Variants in SCN8A observed in about 807,000 individuals in gnomAD.
The protein encoded by SCN8A is sodium voltage-gated channel alpha subunit 8.
In SCN8A, 30 loss-of-function variants were observed where a neutral mutation model predicts 184.1. The ratio of observed to expected loss-of-function variants is 0.16; its 90% CI spans 0.12 to 0.22. The LOEUF (loss-of-function observed/expected upper bound fraction) is 0.22, where lower values mean the gene tolerates loss of function less well. Ranked by LOEUF, SCN8A falls within the 10% of genes least tolerant of loss-of-function variation. The probability of loss-of-function intolerance (pLI) is 1.00; values close to 1 mark genes in which losing one functional copy is unlikely to be tolerated. For synonymous variants in SCN8A, 852 were observed against 907.0 expected, an observed-to-expected ratio of 0.94 and a Z score of 1.09; for missense variants, 1,057 against 2,498.9, an observed-to-expected ratio of 0.42 and a Z score of 12.30.
intron 6 of SCN8A, among the ~76,000 whole-genome samples, chr12:51,691,769 T>C (rs781390332): frequency 5.9e-5 from 9 of 152,210 alleles, no homozygotes; most frequent in Non-Finnish European, 1.3e-4. Flanking sequence ...TCAGTCTCAA[T>C]CTTTTTGCTC....
chr12:51,696,093 C>G (rs531341929), intron 6 of SCN8A, among the ~76,000 whole-genome samples: 11 of 152,294 alleles, frequency 7.2e-5, no homozygotes, highest in Admixed American at 2.6e-4. Context: ...ACTCTTGTTA[C>G]TAATACAAAA....
In SCN8A at chr12:51,769,153, A is replaced by G. The variant is rs1592151547; in HGVS notation, c.3190A>G (p.Asn1064Asp). The change falls in exon 17 of 27, where the codon AAT becomes GAT. Residue 1064 changes from asparagine (N) to aspartate (D), a missense_variant. Around this residue, in one of 19 missense-constraint regions of SCN8A, gnomAD observed 178 missense variants for 259.6 expected, o/e 0.69. Transcript: ENST00000627620. Reference protein sequence around the residue: ...HRNGDFQKNGNGTTSGIGSSV... With the variant: ...HRNGDFQKNGDGTTSGIGSSV... ...GAATGGTGACTTCCAGAAGAATGGC[A>G]ATGGCACAACCAGCGGCATTGGCAG... is the stretch of plus-strand genomic sequence containing the variant. 6.2e-7 allele frequency: 1 copy of G among 1,613,584 alleles called. No homozygotes were observed. The highest frequency in any genetic ancestry group is 2.2e-5 in the East Asian group (1 of 44,868).
chr12:51,799,469 TCTG>T (rs1565931124), intron 26 of SCN8A, among the ~76,000 whole-genome samples: 1 of 152,204 alleles, frequency 6.6e-6, no homozygotes, highest in Non-Finnish European at 1.5e-5. Flanking sequence ...CGAGTAGTTA[TCTG>T]CAGAAGATGG....
chr12:51,701,087 A>G, intron 7 of SCN8A, 57 bp from the exon 8 acceptor site: 3 of 1,179,124 alleles, frequency 2.5e-6, no homozygotes, highest in Non-Finnish European at 3.8e-6. Context: ...GTGTAACCTT[A>G]TTCTCTCATT....
chr12:51,596,960 A>G (rs1939362113), intron 1 of SCN8A, among the ~76,000 whole-genome samples: 1 of 152,148 alleles, frequency 6.6e-6, no homozygotes. Flanking sequence ...AGACTCAGAG[A>G]ACAGAATATG....
intron 14 of SCN8A, among the ~76,000 whole-genome samples, chr12:51,752,982 T>G (rs1279532834): frequency 6.6e-6 from 1 of 152,180 alleles, no homozygotes; most frequent in East Asian, 1.9e-4. Flanking sequence ...TCTTTGATTT[T>G]CAAGGGATTT....
chr12:51,758,514 T>C (rs1942712759), intron 14 of SCN8A, among the ~76,000 whole-genome samples: 1 of 152,206 alleles, frequency 6.6e-6, no homozygotes, highest in South Asian at 2.1e-4. Context: ...CTCGGCTCAC[T>C]GCAACCTCCG....
intron 24 of SCN8A, 136 bp downstream of exon 24, chr12:51,789,554 C>T: frequency 1.0e-6 from 1 of 1,003,544 alleles, no homozygotes; most frequent in South Asian, 1.6e-5. Flanking sequence ...GACCCTGGCC[C>T]CCATACGTTA....
intron 1 of SCN8A, among the ~76,000 whole-genome samples, chr12:51,659,362 A>G (rs1219206965): frequency 6.6e-6 from 1 of 152,190 alleles, no homozygotes; most frequent in Non-Finnish European, 1.5e-5. Context: ...TAAATTTTCT[A>G]CATCTTGATT....
In SCN8A at chr12:51,721,726, C is replaced by A; in HGVS notation, c.1816C>A (p.Arg606=). The part of the protein sequence containing the change: ...GRRDSLFIPI[R]ARERRSSYSG... ...CCGGGACTCCCTCTTCATCCCCATCCGGGCCCGCGAGCGCCGGAGCAGCTA... is the reference window on the plus strand; with the variant it reads ...CCGGGACTCCCTCTTCATCCCCATCAGGGCCCGCGAGCGCCGGAGCAGCTA... The change falls in exon 12 of 27, where the codon CGG becomes AGG. Residue 606 remains arginine, a synonymous_variant. Transcript: ENST00000627620. 1 of 1,595,346 alleles carries A rather than the reference C, an allele frequency of 6.3e-7. No individual in the cohort carries two copies. The highest frequency in any genetic ancestry group is 8.5e-7 in the Non-Finnish European group (1 of 1,171,120).
At chr12:51,688,102 C>A (rs1941449457) in intron 5 of SCN8A, among the ~76,000 whole-genome samples, 1 of 152,188 alleles carries the variant, frequency 6.6e-6, no homozygotes, top group African/African-American at 2.4e-5. Flanking sequence ...TACTTTCTAG[C>A]ATTATGAATA....
intron 6 of SCN8A, among the ~76,000 whole-genome samples, chr12:51,692,492 A>G (rs991009383): frequency 1.3e-5 from 2 of 152,202 alleles, no homozygotes; most frequent in African/African-American, 4.8e-5. Context: ...ACTTGGATAC[A>G]TACTATTTAT....
rs899925119 is a variant in SCN8A, at chr12:51,809,854, A to G, written c.*2425A>G. 1.3e-5 allele frequency: 2 copies of G among 152,196 alleles called. No homozygotes were observed. The highest frequency in any genetic ancestry group is 1.3e-4 in the Admixed American group (2 of 15,286). 9.4% of individuals were successfully genotyped at this position (152,196 alleles called of 1,614,324 possible). ...CTTAGAACTTAGATGCTGTCAGCCA[A>G]TGTACATCCCCAAACCAGACAGACA... On this transcript the variant is annotated 3_prime_UTR_variant, in exon 27 of 27. Transcript: ENST00000627620.
Position 51,702,806 on chromosome 12 carries a change from A to T in SCN8A, c.1026A>T (p.Ala342=). 1 of 1,610,176 alleles carries T rather than the reference A, an allele frequency of 6.2e-7. No individual in the cohort carries two copies. Among genetic ancestry groups the T allele is most frequent in the Non-Finnish European group, 8.5e-7 (1 of 1,178,042 alleles). The change falls in exon 9 of 27, where the codon GCA becomes GCT. Residue 342 remains alanine, a synonymous_variant. Coordinates refer to ENST00000627620, the MANE Select transcript of SCN8A (RefSeq NM_001330260.2). ...CAGAGGGATACCAGTGTATGAAAGC[A>T]GGAAGGAACCCCAACTATGGTTACA... ...QCPEGYQCMK[A]GRNPNYGYTS...
chr12:51,727,937 G>A (rs1942180911), intron 12 of SCN8A, among the ~76,000 whole-genome samples: 1 of 151,990 alleles, frequency 6.6e-6, no homozygotes, highest in Non-Finnish European at 1.5e-5. Flanking sequence ...GTGACAGGGC[G>A]AGACTCTTTC....
intron 11 of SCN8A, among the ~76,000 whole-genome samples, chr12:51,718,820 A>G (rs1942005830): frequency 6.6e-6 from 1 of 151,942 alleles, no homozygotes; most frequent in Non-Finnish European, 1.5e-5. Context: ...TTTAAGTACA[A>G]GAGTAACTCA....
At chr12:51,730,196 A>G (rs915054084) in intron 12 of SCN8A, among the ~76,000 whole-genome samples, 2 of 152,146 alleles carry the variant, frequency 1.3e-5, no homozygotes, top group African/African-American at 4.8e-5. Flanking sequence ...CAGGTCTCCA[A>G]TTTATCTCAA....
intron 1 of SCN8A, among the ~76,000 whole-genome samples, chr12:51,619,376 C>T (rs528823804): frequency 6.6e-6 from 1 of 152,272 alleles, no homozygotes; most frequent in East Asian, 1.9e-4. Flanking sequence ...AAGTTGCATT[C>T]AATATCCTTG....
chr12:51,766,891 C>G (rs1268292376), intron 16 of SCN8A, among the ~76,000 whole-genome samples: 2 of 152,240 alleles, frequency 1.3e-5, no homozygotes, highest in Non-Finnish European at 2.9e-5. Context: ...TCTTACAGAT[C>G]AGGCCCCTAA....
Sources: allele counts gnomAD v4.1 joint callset (sites outside exome capture counted in the v4.1 genomes callset), GRCh38; gene constraint gnomAD v4.1.1; regional missense constraint gnomAD v4.1.1; transcripts MANE v1.5; gene names NCBI Gene and HGNC (gene_info 2026-07-23, HGNC 2026-07-21).